The following AK5 variants were observed in gnomAD, a reference collection of about 807,000 sequenced individuals.
AK5 encodes the protein adenylate kinase isoenzyme 5.
Under a neutral mutation model 69.5 loss-of-function variants are expected in AK5, and 27 were observed. The observed-to-expected ratio is 0.39, with a 90% CI of 0.29 to 0.54. The LOEUF (loss-of-function observed/expected upper bound fraction) is 0.54, where lower values mean the gene tolerates loss of function less well. Among genes scored for constraint, AK5 ranks in the 20% least tolerant of loss-of-function variants. The pLI is 0.71. For missense variants in AK5, 531 were observed against 700.4 expected (o/e 0.76, Z 2.73); for synonymous variants, 260 against 244.4 (o/e 1.06, Z -0.60).
At chr1:77,492,898 A>G (rs908776549) in intron 10 of AK5, among the ~76,000 whole-genome samples, 39 of 152,228 alleles carry the variant, frequency 2.6e-4, no homozygotes, top group African/African-American at 9.4e-4. Flanking sequence ...GAAAACCTGC[A>G]AGGTGGGAGA....
chr1:77,463,645 C>T (rs1033932160), intron 8 of AK5, among the ~76,000 whole-genome samples: 2 of 151,798 alleles, frequency 1.3e-5, no homozygotes, highest in African/African-American at 4.8e-5. Flanking sequence ...TGCATCTGAA[C>T]CCTAGGAACA....
At chr1:77,500,536 T>G (rs1656651137) in intron 10 of AK5, among the ~76,000 whole-genome samples, 1 of 152,070 alleles carries the variant, frequency 6.6e-6, no homozygotes, top group South Asian at 2.1e-4. Flanking sequence ...CCCAGCACTT[T>G]AGGAGGCCGA....
intron 10 of AK5, among the ~76,000 whole-genome samples, chr1:77,508,714 A>G (rs953562798): frequency 6.6e-6 from 1 of 152,058 alleles, no homozygotes; most frequent in African/African-American, 2.4e-5. Context: ...TAAAAATACG[A>G]AAAACAGCCA....
intron 13 of AK5, among the ~76,000 whole-genome samples, chr1:77,550,143 G>A (rs1659749817): frequency 6.6e-6 from 1 of 152,042 alleles, no homozygotes; most frequent in African/African-American, 2.4e-5. Flanking sequence ...TAGAGACACT[G>A]TATTTCCCAA....
At chr1:77,377,786 C>T (rs1336645965) in intron 6 of AK5, among the ~76,000 whole-genome samples, 2 of 152,092 alleles carry the variant, frequency 1.3e-5, no homozygotes, top group African/African-American at 2.4e-5. Flanking sequence ...AAGAGATGTT[C>T]CTTTACATGC....
chr1:77,399,168 C>G (rs1042453978), intron 6 of AK5, among the ~76,000 whole-genome samples: 1 of 152,162 alleles, frequency 6.6e-6, no homozygotes, highest in Admixed American at 6.5e-5. Context: ...GATTAGCGAG[C>G]AGAATATTGG....
intron 8 of AK5, among the ~76,000 whole-genome samples, chr1:77,439,996 T>A (rs937488527): frequency 6.6e-6 from 1 of 152,158 alleles, no homozygotes; most frequent in South Asian, 2.1e-4. Context: ...TTTATTGTTA[T>A]TGCAGTTTGG....
At chr1:77,310,976 A>G (rs1659921370) in intron 5 of AK5, among the ~76,000 whole-genome samples, 1 of 152,078 alleles carries the variant, frequency 6.6e-6, no homozygotes, top group South Asian at 2.1e-4. Flanking sequence ...TAGGTTTGCT[A>G]CTATTGTGAA....
intron 10 of AK5, among the ~76,000 whole-genome samples, chr1:77,487,253 A>G (rs1489437733): frequency 6.6e-6 from 1 of 152,246 alleles, no homozygotes; most frequent in African/African-American, 2.4e-5. Context: ...ATAGACAAGA[A>G]AAATGAGACT....
intron 6 of AK5, among the ~76,000 whole-genome samples, chr1:77,381,277 G>C (rs891777802): frequency 1.3e-5 from 2 of 152,120 alleles, no homozygotes; most frequent in African/African-American, 4.8e-5. Context: ...TGGAAAGAGG[G>C]CCCTCACCAG....
At chr1:77,345,229 G>A (rs1426007397) in intron 6 of AK5, among the ~76,000 whole-genome samples, 1 of 152,172 alleles carries the variant, frequency 6.6e-6, no homozygotes, top group Non-Finnish European at 1.5e-5. Flanking sequence ...TGGACTTTTT[G>A]TAGGAGTATA....
intron 10 of AK5, among the ~76,000 whole-genome samples, chr1:77,491,817 A>G (rs879567059): frequency 2.0e-5 from 3 of 152,326 alleles, no homozygotes; most frequent in African/African-American, 4.8e-5. Context: ...GCTCCTATCC[A>G]TCTTCTGGAG....
At chr1:77,388,678 A>G (rs1648194910) in intron 6 of AK5, among the ~76,000 whole-genome samples, 1 of 152,122 alleles carries the variant, frequency 6.6e-6, no homozygotes, top group Non-Finnish European at 1.5e-5. Context: ...GTTATCAGCT[A>G]CATAAAGCCT....
chr1:77,441,555 G>A (rs1652325567), intron 8 of AK5, among the ~76,000 whole-genome samples: 1 of 152,146 alleles, frequency 6.6e-6, no homozygotes, highest in South Asian at 2.1e-4. Context: ...AGCTTCTCTG[G>A]CTGTGTTGAA....
intron 8 of AK5, among the ~76,000 whole-genome samples, chr1:77,449,564 G>C (rs545128663): frequency 6.6e-6 from 1 of 152,296 alleles, no homozygotes; most frequent in African/African-American, 2.4e-5. Flanking sequence ...TTGAGTTAAT[G>C]CTGAAATTAG....
At chr1:77,486,470 C>G in intron 10 of AK5, 118 bp downstream of exon 10, 1 of 618,826 alleles carries the variant, frequency 1.6e-6, no homozygotes, top group Non-Finnish European at 2.7e-6. Flanking sequence ...CCAAGGCGGG[C>G]AGATCACGAG....
intron 6 of AK5, among the ~76,000 whole-genome samples, chr1:77,355,229 G>T (rs1351088668): frequency 1.3e-5 from 2 of 152,186 alleles, no homozygotes; most frequent in African/African-American, 4.8e-5. Flanking sequence ...AGCAGTTGCT[G>T]CATGACTGCA....
chr1:77,553,343 C>T (rs943333880), intron 13 of AK5, among the ~76,000 whole-genome samples: 4 of 152,176 alleles, frequency 2.6e-5, no homozygotes, highest in African/African-American at 4.8e-5. Context: ...ATATCTACCA[C>T]TTGGTGAGGA....
chr1:77,381,095 C>T (rs1470863626), intron 6 of AK5, among the ~76,000 whole-genome samples: 3 of 152,142 alleles, frequency 2.0e-5, no homozygotes, highest in Admixed American at 2.0e-4. Flanking sequence ...TTGTGTTCCC[C>T]CCCGAATTTG....
Sources: gnomAD v4.1 joint callset for allele counts (sites outside exome capture counted in the v4.1 genomes callset) on GRCh38, gnomAD v4.1.1 for gene constraint, MANE v1.5 for transcripts, NCBI Gene and HGNC (gene_info 2026-07-23, HGNC 2026-07-21) for gene names.